Variants in CROCC2 observed in about 807,000 individuals in gnomAD.
CROCC2 encodes the protein ciliary rootlet coiled-coil, rootletin family member 2, also known as ciliary rootlet coiled-coil protein 2.
A neutral mutation model predicts 177.6 loss-of-function variants in CROCC2; 163 were observed. That is an observed-to-expected ratio of 0.92 (90% CI 0.81 to 1.05). The LOEUF is 1.05. Ranked by LOEUF, CROCC2 falls within the 50% of genes least tolerant of loss-of-function variation. The pLI, the probability that CROCC2 is intolerant of heterozygous loss-of-function variation, is 0.00. For synonymous variants in CROCC2, 904 were observed against 787.3 expected (o/e 1.15, Z -2.48); for missense variants, 1,929 against 1,797.8 (o/e 1.07, Z -1.32).
rs1180085171 is a variant in CROCC2, at chr2:240,946,111, G to C, written c.2221G>C (p.Asp741His). Residue 741 changes from aspartate to histidine, a missense_variant, in exon 15 of 32, where the codon GAC becomes CAC. Transcript: ENST00000690015. ...GGAGCAGCTGGCTCAGAGCCTGCAG[G>C]ACCAGGAGGCCCAGATGGGCACTCT... ...LEEQLAQSLQ[D>H]QEAQMGTLQQ... The C allele has an allele frequency of 6.5e-7, 1 of 1,539,794 alleles. No individual in the cohort carries two copies. The highest frequency in any genetic ancestry group is 8.8e-7 in the Non-Finnish European group (1 of 1,138,268).
At position 240,960,136 on chromosome 2, in the gene CROCC2, C is replaced by T. The variant is rs1485076507; in HGVS notation, c.3087+692C>T. On this transcript the variant is annotated intron_variant, in intron 20 of 31. Coordinates refer to ENST00000690015, the MANE Select transcript of CROCC2 (RefSeq NM_001351305.2). The surrounding 1 kb of genome is among the most constrained non-coding windows in gnomAD (Gnocchi z 5.0). ...CCCGAGAGACAGGCATGACCTGGGGCGAAGGGGAATTCGGACCCTTGGCCA... is the reference window on the plus strand; with the variant it reads ...CCCGAGAGACAGGCATGACCTGGGGTGAAGGGGAATTCGGACCCTTGGCCA... Among the ~76,000 whole-genome samples, 2 of 152,208 alleles carry T rather than the reference C, an allele frequency of 1.3e-5. No individual in the cohort carries two copies. Among genetic ancestry groups the T allele is most frequent in the Non-Finnish European group, 2.9e-5 (2 of 68,032 alleles).
chr2:240,941,038 C>T (rs935608643), intron 14 of CROCC2, among the ~76,000 whole-genome samples: 1 of 152,022 alleles, frequency 6.6e-6, no homozygotes, highest in Non-Finnish European at 1.5e-5. Flanking sequence ...TGCTGTACAC[C>T]AACAGGGACT....
intron 28 of CROCC2, chr2:240,983,402 C>T (rs762734165): frequency 7.8e-7 from 1 of 1,287,436 alleles, no homozygotes; most frequent in Non-Finnish European, 1.0e-6. Flanking sequence ...AATCCCTGGC[C>T]CACGCCCAGC....
rs193153682 is a variant in CROCC2, at chr2:240,934,679, C to T, written c.1791+204C>T. On this transcript the variant is annotated intron_variant, in intron 12 of 31. Coordinates refer to ENST00000690015, the MANE Select transcript of CROCC2 (RefSeq NM_001351305.2). ...CAGCTGCTGTCAACCCTGCTGGCCA[C>T]GCCTGCTTCTTTGTGGCCTCTCCCT... Among the ~76,000 whole-genome samples, 47 of 152,372 alleles carry T rather than the reference C, an allele frequency of 3.1e-4. No individual in the cohort carries two copies. The East Asian group carries it at 4.6e-3, about 15-fold the overall frequency.
chr2:240,976,043 G>C (rs1467324064), intron 27 of CROCC2, among the ~76,000 whole-genome samples: 1 of 152,162 alleles, frequency 6.6e-6, no homozygotes, highest in African/African-American at 2.4e-5. Flanking sequence ...GCCTTCTTTT[G>C]GTCTCAACGA....
intron 27 of CROCC2, among the ~76,000 whole-genome samples, chr2:240,978,400 G>A (rs1274280644): frequency 2.8e-5 from 1 of 35,184 alleles, no homozygotes; most frequent in South Asian, 1.5e-3. Flanking sequence ...TCCCTGCTCA[G>A]TCTCTGGGGT....
intron 28 of CROCC2, among the ~76,000 whole-genome samples, chr2:240,984,799 CCA>C (rs1481323003): frequency 1.1e-4 from 1 of 8,972 alleles, no homozygotes; most frequent in South Asian, 0.011. Context: ...GGCACTCACT[CCA>C]CACACACACC....
intron 20 of CROCC2, chr2:240,963,277 C>T (rs2059655219): frequency 2.1e-6 from 1 of 483,826 alleles, no homozygotes; most frequent in East Asian, 3.1e-5. Flanking sequence ...TGGTCAGCGT[C>T]CTGGGGGTCC....
At position 240,917,160 on chromosome 2, in the gene CROCC2, C is replaced by T. The variant is rs1270807380; in HGVS notation, c.79-1566C>T. Among the ~76,000 whole-genome samples the T allele has an allele frequency of 1.3e-5, 2 of 152,142 alleles. No individual in the cohort carries two copies. Among genetic ancestry groups the T allele is most frequent in the Non-Finnish European group, 1.5e-5 (1 of 68,014 alleles). ...GTGCACGGGCTGTCGGGAGGACGGGCGGGCTGGCCCCAGACCTCAGCTGAT... is the reference window on the plus strand; with the variant it reads ...GTGCACGGGCTGTCGGGAGGACGGGTGGGCTGGCCCCAGACCTCAGCTGAT... On this transcript the variant is annotated intron_variant, in intron 1 of 31. Transcript: ENST00000690015. The surrounding 1 kb of genome is among the most constrained non-coding windows in gnomAD (Gnocchi z 4.9).
chr2:240,966,486 A>T (rs1008222492), intron 25 of CROCC2, 77 bp downstream of exon 25: 2 of 398,526 alleles, frequency 5.0e-6, no homozygotes, highest in Admixed American at 4.4e-5. Context: ...CTGTCCATCC[A>T]TCCGCGCGTC....
chr2:240,937,061 ACC>A (rs1426960594), intron 14 of CROCC2, among the ~76,000 whole-genome samples: 1 of 152,258 alleles, frequency 6.6e-6, no homozygotes. Flanking sequence ...ATAGGGAACA[ACC>A]AAGCAGCTTT....
At chr2:240,968,992 G>T (rs564995433) in intron 27 of CROCC2, among the ~76,000 whole-genome samples, 1 of 152,354 alleles carries the variant, frequency 6.6e-6, no homozygotes, top group South Asian at 2.1e-4. Context: ...CAACTGTTCC[G>T]CTCCAGAGAG....
chr2:240,987,798 G>T (rs950452590), intron 28 of CROCC2, among the ~76,000 whole-genome samples: 7 of 152,266 alleles, frequency 4.6e-5, no homozygotes, highest in Non-Finnish European at 7.3e-5. Context: ...GACCCTCGGG[G>T]CTGGGCACGG....
chr2:240,927,993 A>G (rs2059404703), intron 5 of CROCC2, among the ~76,000 whole-genome samples: 1 of 152,232 alleles, frequency 6.6e-6, no homozygotes, highest in Admixed American at 6.5e-5. Context: ...TTGTTGAACC[A>G]TGTTAAAAAT....
At chr2:240,962,163 G>T (rs1172372365) in intron 20 of CROCC2, among the ~76,000 whole-genome samples, 1 of 152,064 alleles carries the variant, frequency 6.6e-6, no homozygotes, top group East Asian at 1.9e-4. Context: ...CTGCCTCCCT[G>T]TAGGAGATTT....
intron 29 of CROCC2, among the ~76,000 whole-genome samples, chr2:240,989,320 G>A (rs2059861745): frequency 6.6e-6 from 1 of 152,160 alleles, no homozygotes; most frequent in Admixed American, 6.5e-5. Context: ...GAAACCAGCA[G>A]GGGATGGGGG....
chr2:240,960,143 G>A lies in CROCC2; in HGVS notation c.3087+699G>A, dbSNP rs967713162. ...GACAGGCATGACCTGGGGCGAAGGG[G>A]AATTCGGACCCTTGGCCAAGAGGCC... On this transcript the variant is annotated intron_variant, in intron 20 of 31. Transcript: ENST00000690015. The surrounding 1 kb of genome is among the most constrained non-coding windows in gnomAD (Gnocchi z 5.0). Among the ~76,000 whole-genome samples the A allele has an allele frequency of 2.6e-5, 4 of 152,242 alleles. No homozygotes were observed. The highest frequency in any genetic ancestry group is 1.9e-4 in the East Asian group (1 of 5,182).
Position 240,950,352 on chromosome 2 carries a change from C to G in CROCC2, c.2671C>G (p.Leu891Val). 2 of 1,550,058 alleles carry G rather than the reference C, an allele frequency of 1.3e-6. No homozygotes were observed. The highest frequency in any genetic ancestry group is 1.7e-6 in the Non-Finnish European group (2 of 1,146,704). Residue 891 changes from leucine to valine, a missense_variant, in exon 18 of 32, where the codon CTG becomes GTG. By Grantham distance (32) the Leu-to-Val change is conservative (BLOSUM62 1). Coordinates refer to ENST00000690015, the MANE Select transcript of CROCC2 (RefSeq NM_001351305.2). The part of the protein sequence containing the change: ...QREKETLSLT[L>V]AEEKEVARCQ... ...GGCCCAGGAGACCCTGAGCCTGACCCTGGCAGAGGAGAAGGAGGTAGCCAG... is the reference window on the plus strand; with the variant it reads ...GGCCCAGGAGACCCTGAGCCTGACCGTGGCAGAGGAGAAGGAGGTAGCCAG...
chr2:240,968,399 G>A, intron 27 of CROCC2, 137 bp downstream of exon 27: 1 of 1,184,408 alleles, frequency 8.4e-7, no homozygotes, highest in Non-Finnish European at 1.1e-6. Context: ...GGTGTTCGGG[G>A]CTGGAGCCAG....
Sources: allele counts gnomAD v4.1 joint callset (sites outside exome capture counted in the v4.1 genomes callset), GRCh38; gene constraint gnomAD v4.1.1; non-coding constraint Gnocchi (gnomAD v3.1); transcripts MANE v1.5; gene names NCBI Gene and HGNC (gene_info 2026-07-23, HGNC 2026-07-21).